MYO7B: variants seen among roughly 807,000 people sequenced by gnomAD.
MYO7B encodes myosin VIIB.
In MYO7B, 212 loss-of-function variants were observed where a neutral mutation model predicts 259.7. The ratio of observed to expected loss-of-function variants is 0.82; its 90% CI spans 0.73 to 0.91. The LOEUF is 0.91. Ranked by LOEUF, MYO7B falls within the 40% of genes least tolerant of loss-of-function variation. MYO7B has a pLI of 0.00. For synonymous variants in MYO7B, 1,197 were observed against 1,166.4 expected (o/e 1.03, Z -0.54); for missense variants, 2,732 against 2,813.5 (o/e 0.97, Z 0.66).
At chr2:127,560,392 A>G (rs1480490224) in intron 2 of MYO7B, among the ~76,000 whole-genome samples, 1 of 151,940 alleles carries the variant, frequency 6.6e-6, no homozygotes, top group Non-Finnish European at 1.5e-5. Context: ...GGAACTGGGG[A>G]ACTGTGGGCA....
chr2:127,611,801 G>C lies in MYO7B; in HGVS notation c.3193-449G>C, dbSNP rs1411178559. ...CCTGGCCTCTCAACCCCGGCTCTTC[G>C]GATCCCCTGCAGAGCACCTTGCAGT... is the stretch of plus-strand genomic sequence containing the variant. On this transcript the variant is annotated intron_variant, in intron 24 of 47. Transcript: ENST00000409816. This position sits in a 1 kb window ranked among gnomAD's most constrained non-coding sequence, Gnocchi z 5.4. Among the ~76,000 whole-genome samples the C allele has an allele frequency of 6.6e-6, 1 of 152,090 alleles. No homozygotes were observed. Among genetic ancestry groups the C allele is most frequent in the African/African-American group, 2.4e-5 (1 of 41,432 alleles).
chr2:127,567,900 G>A (rs1314394129), intron 5 of MYO7B, among the ~76,000 whole-genome samples: 3 of 151,996 alleles, frequency 2.0e-5, no homozygotes, highest in East Asian at 3.9e-4. Flanking sequence ...GGGTGATGTC[G>A]GCCTCTTCAT....
intron 7 of MYO7B, 25 bp downstream of exon 7, chr2:127,574,087 G>T (rs1359808871): frequency 1.2e-6 from 2 of 1,612,832 alleles, no homozygotes; most frequent in African/African-American, 2.7e-5. Flanking sequence ...TTCCCAGGTC[G>T]GGAGTTGAGG....
intron 6 of MYO7B, among the ~76,000 whole-genome samples, chr2:127,571,304 G>A (rs375368308): frequency 5.3e-5 from 8 of 152,064 alleles, no homozygotes; most frequent in African/African-American, 7.2e-5. Flanking sequence ...TGTAACTCCC[G>A]TGGCCCTGAC....
At chr2:127,562,354 T>G (rs1457316455) in intron 2 of MYO7B, among the ~76,000 whole-genome samples, 1 of 152,142 alleles carries the variant, frequency 6.6e-6, no homozygotes, top group Non-Finnish European at 1.5e-5. Context: ...TGGAGTGCAG[T>G]GGCACGATCA....
At chr2:127,621,513 G>C (rs1680838709) in intron 27 of MYO7B, among the ~76,000 whole-genome samples, 1 of 152,126 alleles carries the variant, frequency 6.6e-6, no homozygotes, top group Admixed American at 6.5e-5. Context: ...CTCCGACCTT[G>C]GCCTCCCAAA....
intron 22 of MYO7B, 73 bp downstream of exon 22, chr2:127,608,951 C>G: frequency 6.6e-7 from 1 of 1,523,196 alleles, no homozygotes; most frequent in Non-Finnish European, 8.9e-7. Context: ...TGAACTCAGT[C>G]CACCTCTCGG....
rs143973399 is a variant in MYO7B at position 127,548,562 on chromosome 2, C to T, written c.-23-11138C>T. 7.9e-3 allele frequency among the ~76,000 whole-genome samples: 1,204 copies of T among 151,898 alleles called. 19 individuals are homozygous for T. Among genetic ancestry groups the T allele is most frequent in the African/African-American group, 0.027 (1,131 of 41,440 alleles). Reference sequence around the variant, plus strand: ...TCCTGAGTAGCTGGGATTACAGGTGCGTGCCACCAAGCCTAGCAGCTTTTT... The same window carrying T: ...TCCTGAGTAGCTGGGATTACAGGTGTGTGCCACCAAGCCTAGCAGCTTTTT... On this transcript the variant is annotated intron_variant, in intron 1 of 47. Transcript: ENST00000409816.
chr2:127,586,312 C>T lies in MYO7B; in HGVS notation c.1690+1399C>T, dbSNP rs544622266. On this transcript the variant is annotated intron_variant, in intron 14 of 47. Transcript: ENST00000409816. This position sits in a 1 kb window ranked among gnomAD's most constrained non-coding sequence, Gnocchi z 4.8. ...CACCCTATGGGTGTGCCAAGAAAAA[C>T]GAGGAAGGTGGCCGTGGGCTGCTGT... 8.5e-5 allele frequency among the ~76,000 whole-genome samples: 13 copies of T among 152,160 alleles called. No individual in the cohort carries two copies. The highest frequency in any genetic ancestry group is 1.7e-4 in the African/African-American group (7 of 41,506).
rs1680371642 is a variant in MYO7B, at chr2:127,611,174, AGCT to A, written c.3193-1073_3193-1071del. Among the ~76,000 whole-genome samples, 1 of 152,210 alleles carries A rather than the reference AGCT, an allele frequency of 6.6e-6. No homozygotes were observed. The highest frequency in any genetic ancestry group is 1.5e-5 in the Non-Finnish European group (1 of 68,038). On this transcript the variant is annotated intron_variant, in intron 24 of 47. Coordinates refer to ENST00000409816, the MANE Select transcript of MYO7B (RefSeq NM_001393586.1). This position sits in a 1 kb window ranked among gnomAD's most constrained non-coding sequence, Gnocchi z 5.4. ...CCTTGTCATGTGGGCCTTTCCACAAAGCTGCCTGGGCATCCTCACAACATGGCT... is the reference window on the plus strand; with the variant it reads ...CCTTGTCATGTGGGCCTTTCCACAAAGCCTGGGCATCCTCACAACATGGCT...
intron 1 of MYO7B, among the ~76,000 whole-genome samples, chr2:127,555,136 A>T (rs1693592506): frequency 6.6e-6 from 1 of 151,852 alleles, no homozygotes; most frequent in Non-Finnish European, 1.5e-5. Flanking sequence ...TTTGTTAGAG[A>T]TGGAGTTTCA....
rs1678862241 is a variant in MYO7B, at chr2:127,576,282, G to A, written c.736-313G>A. ...GCCACTAAGTGCCTGTGAAGACTGT[G>A]GGACTATAAGAGAGCCCCGACTCTG... On this transcript the variant is annotated intron_variant, in intron 7 of 47. Transcript: ENST00000409816. This position sits in a 1 kb window ranked among gnomAD's most constrained non-coding sequence, Gnocchi z 4.9. Among the ~76,000 whole-genome samples the A allele has an allele frequency of 6.6e-6, 1 of 152,196 alleles. No individual in the cohort carries two copies. Among genetic ancestry groups the A allele is most frequent in the Non-Finnish European group, 1.5e-5 (1 of 68,038 alleles).
chr2:127,619,777 G>A (rs1355136970), intron 26 of MYO7B, among the ~76,000 whole-genome samples: 1 of 152,106 alleles, frequency 6.6e-6, no homozygotes, highest in Non-Finnish European at 1.5e-5. Flanking sequence ...TTTATAACAT[G>A]ATAGAGGCTT....
rs1261322999 is a variant in MYO7B at position 127,635,711 on chromosome 2, C to G, written c.5821-11C>G. Reference sequence around the variant, plus strand: ...TGGAGACCCAGCATGCCCAGTGTGTCCATCACCCAGGAGCTGCCCAAGTAC... The same window carrying G: ...TGGAGACCCAGCATGCCCAGTGTGTGCATCACCCAGGAGCTGCCCAAGTAC... On this transcript the variant is annotated splice_polypyrimidine_tract_variant and intron_variant, in intron 43 of 47. Coordinates refer to ENST00000409816, the MANE Select transcript of MYO7B (RefSeq NM_001393586.1). The G allele has an allele frequency of 6.3e-7, 1 of 1,594,856 alleles. No homozygotes were observed. Among genetic ancestry groups the G allele is most frequent in the Non-Finnish European group, 8.5e-7 (1 of 1,171,032 alleles).
intron 2 of MYO7B, among the ~76,000 whole-genome samples, chr2:127,560,961 G>C (rs1678062254): frequency 6.6e-6 from 1 of 152,162 alleles, no homozygotes; most frequent in Non-Finnish European, 1.5e-5. Flanking sequence ...TTACAGAATA[G>C]AGCTTAGGCT....
rs763137242 is a variant in MYO7B at position 127,584,155 on chromosome 2, G to T, written c.1377G>T (p.Glu459Asp). ...AGCTCTGCATCAACTTCGCCAACGA[G>T]CACCTGCAGCAGTTCTTTGTGCAGC... ...FEQLCINFAN[E>D]HLQQFFVQHV... The change falls in exon 13 of 48, where the codon GAG becomes GAT. Residue 459 changes from glutamate (E) to aspartate (D), a missense_variant. Glu to Asp is a conservative substitution (Grantham distance 45). This residue lies in a region of MYO7B where 1,906 missense variants were observed against 2,026.4 expected (regional missense o/e 0.94). Transcript: ENST00000409816. This position sits in a 1 kb window ranked among gnomAD's most constrained non-coding sequence, Gnocchi z 5.8. 2 of 1,613,844 alleles carry T rather than the reference G, an allele frequency of 1.2e-6. No homozygotes were observed. Among genetic ancestry groups the T allele is most frequent in the South Asian group, 2.2e-5 (2 of 91,062 alleles).
rs755371667 is a variant in MYO7B, at chr2:127,636,172, G to A, written c.6007-36G>A. 7 of 1,554,720 alleles carry A rather than the reference G, an allele frequency of 4.5e-6. No individual in the cohort carries two copies. The highest frequency in any genetic ancestry group is 4.1e-5 in the African/African-American group (3 of 73,720). On this transcript the variant is annotated intron_variant, in intron 44 of 47. Transcript: ENST00000409816. The surrounding 1 kb of genome is among the most constrained non-coding windows in gnomAD (Gnocchi z 4.5). ...CCACCAGGGCTTTGGAGGGCCTCTGGGCACCCAAGTCCTTACTGGCCCTCC... is the reference window on the plus strand; with the variant it reads ...CCACCAGGGCTTTGGAGGGCCTCTGAGCACCCAAGTCCTTACTGGCCCTCC...
At chr2:127,629,529 T>C (rs1681345849) in intron 34 of MYO7B, 116 bp from the exon 35 acceptor site, 1 of 1,040,150 alleles carries the variant, frequency 9.6e-7, no homozygotes, top group East Asian at 2.8e-5. Flanking sequence ...TGGAGTGGTC[T>C]TCTGCCCACC....
chr2:127,616,436 G>T (rs1343129736), intron 26 of MYO7B, among the ~76,000 whole-genome samples: 1 of 152,202 alleles, frequency 6.6e-6, no homozygotes, highest in Non-Finnish European at 1.5e-5. Flanking sequence ...ATAAGCAACA[G>T]TTGAGCAACT....
Sources: allele counts gnomAD v4.1 joint callset (sites outside exome capture counted in the v4.1 genomes callset), GRCh38; gene constraint gnomAD v4.1.1; regional missense constraint gnomAD v4.1.1; non-coding constraint Gnocchi (gnomAD v3.1); transcripts MANE v1.5; gene names NCBI Gene and HGNC (gene_info 2026-07-23, HGNC 2026-07-21).